The following TAOK1 variants were observed in gnomAD, a reference collection of about 807,000 sequenced individuals.
The protein encoded by TAOK1 is TAO kinase 1.
TAOK1 carries 21 observed loss-of-function variants against 138.3 expected under a neutral mutation model. That is an observed-to-expected ratio of 0.15 (90% CI 0.11 to 0.22). The LOEUF is 0.22. TAOK1 is among the 10% of genes least tolerant of loss of function. The pLI is 1.00. For missense variants in TAOK1, 651 were observed against 1,227.7 expected (o/e 0.53, Z 7.02); for synonymous variants, 361 against 398.4 (o/e 0.91, Z 1.12).
rs1468090781 is a variant in TAOK1 at position 29,542,573 on chromosome 17, A to C, written c.2557A>C (p.Met853Leu). 1.3e-6 allele frequency: 2 copies of C among 1,598,720 alleles called. No homozygotes were observed. The highest frequency in any genetic ancestry group is 1.7e-6 in the Non-Finnish European group (2 of 1,170,804). The change falls in exon 20 of 20, where the codon ATG becomes CTG. Residue 853 changes from methionine to leucine, a missense_variant. Coordinates refer to ENST00000261716, the MANE Select transcript of TAOK1 (RefSeq NM_020791.4). ...CAATCTCCAACAGATTGAAGAAGAG[A>C]TGTTGGCTTTGCAGAATGAGCGCAC... ...ALLEQKIEEE[M>L]LALQNERTER...
intron 1 of TAOK1, among the ~76,000 whole-genome samples, chr17:29,397,701 G>GAA (rs368513504): frequency 6.3e-5 from 3 of 47,630 alleles, no homozygotes; most frequent in Non-Finnish European, 1.1e-4. Context: ...ATTCATGTAT[G>GAA]CATACATGAA....
rs147378738 is a variant in TAOK1, at chr17:29,521,186, G to T, written c.1909-1094G>T. On this transcript the variant is annotated intron_variant, in intron 16 of 19. Coordinates refer to ENST00000261716, the MANE Select transcript of TAOK1 (RefSeq NM_020791.4). The stretch of plus-strand genomic sequence containing the variant: ...GACTAATCTGAATAAACTTGGGGAA[G>T]GTTGAGAAGCACATGCACCAAACTG... Among the ~76,000 whole-genome samples, 48 of 152,318 alleles carry T rather than the reference G, an allele frequency of 3.2e-4. No individual in the cohort carries two copies. The East Asian group carries it at 7.7e-3, about 24-fold the overall frequency.
rs546074721 is a variant in TAOK1, at chr17:29,393,359, G to A, written c.-95+2335G>A. ...CTATTTACTTGCTATATTTCAGCAT[G>A]CTATAACTAAGGACAACTGAAAAAA... On this transcript the variant is annotated intron_variant, in intron 1 of 19. Coordinates refer to ENST00000261716, the MANE Select transcript of TAOK1 (RefSeq NM_020791.4). Among the ~76,000 whole-genome samples, 3 of 152,172 alleles carry A rather than the reference G, an allele frequency of 2.0e-5. No individual in the cohort carries two copies. The East Asian group carries it at 5.8e-4, about 29-fold the overall frequency.
rs549867017 is a variant in TAOK1, at chr17:29,504,624, C to T, written c.1338+1901C>T. The stretch of plus-strand genomic sequence containing the variant: ...GGCGGAGGTTGGAGTGAGCTGAGAT[C>T]GCACTATTGCACTCCAGCCTGGGCG... On this transcript the variant is annotated intron_variant, in intron 13 of 19. Coordinates refer to ENST00000261716, the MANE Select transcript of TAOK1 (RefSeq NM_020791.4). 7.2e-5 allele frequency among the ~76,000 whole-genome samples: 11 copies of T among 151,744 alleles called. No individual in the cohort carries two copies. In the South Asian group the frequency reaches 1.9e-3, roughly 26 times the overall value.
In TAOK1 at chr17:29,395,892, T is replaced by G. The variant is rs372713105; in HGVS notation, c.-95+4868T>G. The stretch of plus-strand genomic sequence containing the variant: ...CATGTTGCCCAGGCTGGTCTTGAAC[T>G]CCTCAGCTCCAGCTATCTACCTGCC... On this transcript the variant is annotated intron_variant, in intron 1 of 19. Coordinates refer to ENST00000261716, the MANE Select transcript of TAOK1 (RefSeq NM_020791.4). Among the ~76,000 whole-genome samples the G allele has an allele frequency of 2.3e-5, 3 of 133,040 alleles. No individual in the cohort carries two copies. In the East Asian group the frequency reaches 7.7e-4, roughly 34 times the overall value. 87.3% of individuals were successfully genotyped at this position (133,040 alleles called of 152,430 possible). A position where few individuals can be genotyped will look rare whatever the true frequency, so the allele number is the denominator to read the frequency against.
At chr17:29,500,994 T>G (rs2031513167) in intron 12 of TAOK1, among the ~76,000 whole-genome samples, 1 of 151,978 alleles carries the variant, frequency 6.6e-6, no homozygotes, top group Non-Finnish European at 1.5e-5. Context: ...GAGTTATTGC[T>G]AATGGATGCA....
intron 1 of TAOK1, among the ~76,000 whole-genome samples, chr17:29,437,387 G>A (rs1396217848): frequency 6.6e-6 from 1 of 151,838 alleles, no homozygotes; most frequent in East Asian, 1.9e-4. Flanking sequence ...TAGTAGAGAT[G>A]GGGTTTCATC....
At chr17:29,503,683 A>G (rs1477650996) in intron 13 of TAOK1, among the ~76,000 whole-genome samples, 2 of 152,154 alleles carry the variant, frequency 1.3e-5, no homozygotes, top group East Asian at 3.9e-4. Flanking sequence ...ATTAGAAAAC[A>G]TAATGTAAAG....
intron 16 of TAOK1, among the ~76,000 whole-genome samples, chr17:29,520,885 G>A (rs897016083): frequency 6.6e-6 from 1 of 151,866 alleles, no homozygotes; most frequent in Non-Finnish European, 1.5e-5. Flanking sequence ...TTAGCCAGGC[G>A]TGGTGGCACA....
intron 4 of TAOK1, among the ~76,000 whole-genome samples, chr17:29,477,039 G>A (rs535227319): frequency 3.0e-4 from 45 of 152,128 alleles, no homozygotes; most frequent in African/African-American, 2.9e-4. Flanking sequence ...TATAAATGGG[G>A]TTTCACCGTG....
chr17:29,430,516 C>T (rs1388770403), intron 1 of TAOK1, among the ~76,000 whole-genome samples: 1 of 152,224 alleles, frequency 6.6e-6, no homozygotes, highest in East Asian at 1.9e-4. Flanking sequence ...CAAACGAAGA[C>T]TCCACCAGCA....
intron 18 of TAOK1, among the ~76,000 whole-genome samples, chr17:29,532,508 G>A (rs1283468288): frequency 6.6e-6 from 1 of 152,120 alleles, no homozygotes; most frequent in African/African-American, 2.4e-5. Flanking sequence ...CCCAGTGTTT[G>A]TGTCCCTGGG....
chr17:29,453,205 G>A (rs1015206984), intron 2 of TAOK1, among the ~76,000 whole-genome samples: 2 of 149,700 alleles, frequency 1.3e-5, no homozygotes, highest in Admixed American at 1.3e-4. Flanking sequence ...TATTGCCCAG[G>A]CTGGAGTGCA....
chr17:29,535,991 A>T (rs2032214421), intron 19 of TAOK1, among the ~76,000 whole-genome samples: 1 of 152,076 alleles, frequency 6.6e-6, no homozygotes, highest in Non-Finnish European at 1.5e-5. Flanking sequence ...TTTATTTCTC[A>T]TTCAAGATGA....
intron 10 of TAOK1, among the ~76,000 whole-genome samples, chr17:29,492,985 A>T (rs1157989047): frequency 6.6e-6 from 1 of 151,260 alleles, no homozygotes; most frequent in Non-Finnish European, 1.5e-5. Flanking sequence ...TACTAATAAT[A>T]CAAAAATTAG....
intron 1 of TAOK1, among the ~76,000 whole-genome samples, chr17:29,430,116 C>T (rs910821364): frequency 2.0e-5 from 3 of 152,012 alleles, no homozygotes; most frequent in Non-Finnish European, 4.4e-5. Context: ...AGGTTCTTGG[C>T]GTTTTGGACA....
chr17:29,396,129 T>G (rs1904593657), intron 1 of TAOK1, among the ~76,000 whole-genome samples: 1 of 152,162 alleles, frequency 6.6e-6, no homozygotes, highest in Admixed American at 6.6e-5. Context: ...TAAAGATGTC[T>G]CATACCTTCT....
intron 1 of TAOK1, among the ~76,000 whole-genome samples, chr17:29,430,740 A>G (rs1905801224): frequency 6.6e-6 from 1 of 152,118 alleles, no homozygotes; most frequent in Non-Finnish European, 1.5e-5. Flanking sequence ...CATGATCCCC[A>G]TAAATCTTTA....
intron 15 of TAOK1, chr17:29,512,050 C>G (rs1381585622): frequency 2.0e-5 from 3 of 148,040 alleles, no homozygotes; most frequent in African/African-American, 5.0e-5. Flanking sequence ...GGCCTCCCCC[C>G]TACCCCCCGC....
Sources: allele counts gnomAD v4.1 joint callset (sites outside exome capture counted in the v4.1 genomes callset), GRCh38; gene constraint gnomAD v4.1.1; transcripts MANE v1.5; gene names NCBI Gene and HGNC (gene_info 2026-07-23, HGNC 2026-07-21).